The following IRAK1BP1 variants were observed in gnomAD, a reference collection of about 807,000 sequenced individuals.
IRAK1BP1 encodes interleukin 1 receptor associated kinase 1 binding protein 1.
A neutral mutation model predicts 28.0 loss-of-function variants in IRAK1BP1; 24 were observed. The observed-to-expected ratio is 0.86, with a 90% confidence interval of 0.62 to 1.20. The LOEUF (loss-of-function observed/expected upper bound fraction) is 1.20, where lower values mean the gene tolerates loss of function less well. IRAK1BP1 is among the 50% of genes most tolerant of loss of function. The probability of loss-of-function intolerance (pLI) is 0.00; values close to 1 mark genes in which losing one functional copy is unlikely to be tolerated. For synonymous variants in IRAK1BP1, 131 were observed against 116.3 expected (o/e 1.13, Z -0.81); for missense variants, 336 against 316.7 (o/e 1.06, Z -0.46).
intron 4 of IRAK1BP1, among the ~76,000 whole-genome samples, chr6:78,908,541 A>G (rs1221860676): frequency 6.6e-6 from 1 of 151,716 alleles, no homozygotes; most frequent in Non-Finnish European, 1.5e-5. Flanking sequence ...AGGTCTCACT[A>G]TGTTGCCCAG....
intron 4 of IRAK1BP1, among the ~76,000 whole-genome samples, chr6:78,914,610 G>A (rs1448974558): frequency 6.6e-6 from 1 of 151,910 alleles, no homozygotes; most frequent in Non-Finnish European, 1.5e-5. Flanking sequence ...TTAATTTAAG[G>A]CAATGCTCCT....
At chr6:78,950,372 T>C (rs1415606894), downstream of IRAK1BP1, among the ~76,000 whole-genome samples, 1 of 152,188 alleles carries the variant, frequency 6.6e-6, no homozygotes, top group African/African-American at 2.4e-5. Flanking sequence ...ATAGAGTGAG[T>C]TGGGAATTTT....
chr6:78,876,074 C>T (rs1038578685), intron 1 of IRAK1BP1, among the ~76,000 whole-genome samples: 6 of 152,214 alleles, frequency 3.9e-5, no homozygotes, highest in African/African-American at 1.2e-4. Flanking sequence ...CAAATTTCAT[C>T]TAGAATTGTA....
At chr6:78,893,280 ATGTGTGTATATATG>A (rs367576926) in intron 2 of IRAK1BP1, among the ~76,000 whole-genome samples, 3,556 of 113,658 alleles carry the variant, frequency 0.031, 119 homozygotes, top group Middle Eastern at 0.059. Flanking sequence ...GTGTATATAT[ATGTGTGTATATATG>A]TGTGTGTGTG....
the IRAK1BP1 span, chr6:78,971,029 TC>T: frequency 6.6e-6 from 4 of 605,602 alleles, no homozygotes; most frequent in South Asian, 2.2e-5. Flanking sequence ...TCCTCCTTTC[TC>T]TCAAGTTGTC....
the IRAK1BP1 span, chr6:78,963,391 G>T: frequency 5.3e-6 from 3 of 567,822 alleles, no homozygotes; most frequent in Non-Finnish European, 8.6e-6. Context: ...TTTTAACAAA[G>T]GAAAGTATGT....
downstream of IRAK1BP1, among the ~76,000 whole-genome samples, chr6:78,949,473 ATACCTGTGCCCCAGGGCCC>A (rs1562117491): frequency 6.6e-6 from 1 of 152,084 alleles, no homozygotes; most frequent in East Asian, 1.9e-4. Context: ...AGACAACTAG[ATACCTGTGCCCCAGGGCCC>A]ACTGGAATTA....
At chr6:78,869,490 A>G (rs1770715748) in intron 1 of IRAK1BP1, among the ~76,000 whole-genome samples, 1 of 152,200 alleles carries the variant, frequency 6.6e-6, no homozygotes, top group Non-Finnish European at 1.5e-5. Flanking sequence ...ACTGCACTCC[A>G]GCTTGGGTGA....
chr6:78,969,965 C>T, the IRAK1BP1 span: 1 of 1,575,276 alleles, frequency 6.3e-7, no homozygotes, highest in Non-Finnish European at 8.7e-7. Flanking sequence ...CCTAAAAATA[C>T]CTAAAAGATG....
chr6:78,898,414 ATATATATATATATATATATAT>A lies in IRAK1BP1; in HGVS notation c.*81_*101del. ...TATAATGTTTACGTTTGTCCTGAAT[ATATATATATATATATATATAT>A]ATATATATATGGTATAGGAGATAAG... On this transcript the variant is annotated 3_prime_UTR_variant, in exon 4 of 4. Transcript: ENST00000369940. 8.5e-6 allele frequency: 1 copy of A among 117,206 alleles called. No homozygotes were observed. The highest frequency in any genetic ancestry group is 2.8e-4 in the East Asian group (1 of 3,556). 7.3% of individuals were successfully genotyped at this position (117,206 alleles called of 1,614,324 possible).
At chr6:78,929,913 G>C (rs1035215566) in intron 4 of IRAK1BP1, among the ~76,000 whole-genome samples, 1 of 136,166 alleles carries the variant, frequency 7.3e-6, no homozygotes, top group Non-Finnish European at 1.6e-5. Flanking sequence ...CAAATAAATT[G>C]AATCATAATT....
At chr6:78,932,409 TTC>T (rs1392577855) in intron 4 of IRAK1BP1, among the ~76,000 whole-genome samples, 2 of 138,150 alleles carry the variant, frequency 1.4e-5, no homozygotes, top group Non-Finnish European at 3.1e-5. Context: ...TGTATTTCTT[TTC>T]TTTCTTTTTC....
the IRAK1BP1 span, among the ~76,000 whole-genome samples, chr6:78,965,487 T>C: frequency 6.6e-6 from 1 of 152,238 alleles, no homozygotes; most frequent in Admixed American, 6.5e-5. Context: ...CTGTAATAAA[T>C]TAATTTCAAT....
the IRAK1BP1 span, chr6:78,969,787 A>G: frequency 2.3e-6 from 2 of 873,288 alleles, no homozygotes; most frequent in South Asian, 1.8e-5. Context: ...ACTTACTAAG[A>G]AAAAAAAACC....
intron 4 of IRAK1BP1, among the ~76,000 whole-genome samples, chr6:78,921,361 G>A (rs1242842670): frequency 2.6e-5 from 4 of 152,178 alleles, no homozygotes; most frequent in Non-Finnish European, 5.9e-5. Flanking sequence ...CAGCAAGGCC[G>A]CGGCAAGGCT....
intron 4 of IRAK1BP1, among the ~76,000 whole-genome samples, chr6:78,910,914 G>T (rs2127661564): frequency 6.6e-6 from 1 of 152,368 alleles, no homozygotes; most frequent in South Asian, 2.1e-4. Context: ...GCTGCTGCAG[G>T]GGTCTGAACC....
intron 4 of IRAK1BP1, among the ~76,000 whole-genome samples, chr6:78,911,438 C>G (rs945235369): frequency 6.6e-6 from 1 of 152,198 alleles, no homozygotes; most frequent in African/African-American, 2.4e-5. Context: ...AATCCCACAT[C>G]TGGGATGTTA....
At chr6:78,971,788 G>A in the IRAK1BP1 span, among the ~76,000 whole-genome samples, 59 of 152,218 alleles carry the variant, frequency 3.9e-4, no homozygotes, top group Non-Finnish European at 6.9e-4. Context: ...GGAAAATCGG[G>A]TCACTCCCAC....
chr6:78,904,039 G>A (rs562696548), downstream of IRAK1BP1, among the ~76,000 whole-genome samples: 6 of 152,286 alleles, frequency 3.9e-5, no homozygotes, highest in South Asian at 1.2e-3. Context: ...AGTTGGCTGT[G>A]AGGTATCGTG....
Sources: allele counts gnomAD v4.1 joint callset (sites outside exome capture counted in the v4.1 genomes callset), GRCh38; gene constraint gnomAD v4.1.1; transcripts MANE v1.5; gene names NCBI Gene and HGNC (gene_info 2026-07-23, HGNC 2026-07-21).